SLIT2: variants seen among roughly 807,000 people sequenced by gnomAD.
SLIT2 encodes slit homolog 2 protein.
SLIT2 carries 41 observed loss-of-function variants against 185.7 expected under a neutral mutation model. That is an observed-to-expected ratio of 0.22 (90% CI 0.17 to 0.29). The LOEUF (loss-of-function observed/expected upper bound fraction) is 0.29, where lower values mean the gene tolerates loss of function less well. Among genes scored for constraint, SLIT2 ranks in the 10% least tolerant of loss-of-function variants. SLIT2 has a pLI of 1.00. For synonymous variants in SLIT2, 693 were observed against 680.2 expected (o/e 1.02, Z -0.29); for missense variants, 1,571 against 1,909.0 (o/e 0.82, Z 3.30).
At chr4:20,299,560 A>C in intron 4 of SLIT2, among the ~76,000 whole-genome samples, 1 of 151,770 alleles carries the variant, frequency 6.6e-6, no homozygotes. Flanking sequence ...TTCTTTTTCT[A>C]TAGAGAAAAA....
intron 22 of SLIT2, among the ~76,000 whole-genome samples, chr4:20,547,483 A>C (rs1417795217): frequency 1.3e-5 from 2 of 152,070 alleles, no homozygotes; most frequent in Non-Finnish European, 2.9e-5. Context: ...GTTCTTCAGC[A>C]GTTAAAAATA....
At chr4:20,261,381 T>C (rs1364474187) in intron 3 of SLIT2, among the ~76,000 whole-genome samples, 25 of 151,910 alleles carry the variant, frequency 1.6e-4, no homozygotes, top group Admixed American at 1.6e-3. Flanking sequence ...GATACCTGTG[T>C]ATATCTGCAA....
intron 11 of SLIT2, among the ~76,000 whole-genome samples, chr4:20,511,587 A>T (rs368401234): frequency 3.6e-5 from 3 of 82,214 alleles, no homozygotes; most frequent in Admixed American, 1.6e-4. Flanking sequence ...CATCCAGCTA[A>T]TTTTTTTTTT....
chr4:20,618,380 A>G (rs1385860907), intron 36 of SLIT2, among the ~76,000 whole-genome samples: 1 of 152,252 alleles, frequency 6.6e-6, no homozygotes, highest in South Asian at 2.1e-4. Context: ...ATTGGATAAT[A>G]TTAAACTCCA....
At position 20,510,802 on chromosome 4, in the gene SLIT2, A is replaced by G. The variant is rs1007009643; in HGVS notation, c.986+236A>G. Among the ~76,000 whole-genome samples, 10 of 152,324 alleles carry G rather than the reference A, an allele frequency of 6.6e-5. No homozygotes were observed. In the South Asian group the frequency reaches 2.1e-3, roughly 32 times the overall value. On this transcript the variant is annotated intron_variant, in intron 10 of 36. Coordinates refer to ENST00000504154, the MANE Select transcript of SLIT2 (RefSeq NM_004787.4). ...ATACAAATGTGAATGTTTATGGTCA[A>G]TATATTTTGCATATGAACATATGTT...
chr4:20,545,857 C>G (rs187569664), intron 21 of SLIT2, among the ~76,000 whole-genome samples, 174 bp from the exon 22 acceptor site: 11 of 146,558 alleles, frequency 7.5e-5, no homozygotes, highest in African/African-American at 2.7e-4. Flanking sequence ...GACAACTCTG[C>G]TTTTTTTTTT....
At position 20,254,011 on chromosome 4, in the gene SLIT2, C is replaced by G. The variant is rs760930773; in HGVS notation, c.179+17C>G. The stretch of plus-strand genomic sequence containing the variant: ...CGAGAGACTGTGAGTATGCGCTCTT[C>G]GTCTTCCCCTCTCCCCATCCGGGCC... On this transcript the variant is annotated intron_variant, in intron 1 of 36. Coordinates refer to ENST00000504154, the MANE Select transcript of SLIT2 (RefSeq NM_004787.4). This position sits in a 1 kb window ranked among gnomAD's most constrained non-coding sequence, Gnocchi z 5.1. 6.3e-7 allele frequency: 1 copy of G among 1,594,412 alleles called. No homozygotes were observed. The highest frequency in any genetic ancestry group is 8.5e-7 in the Non-Finnish European group (1 of 1,173,994).
intron 4 of SLIT2, among the ~76,000 whole-genome samples, chr4:20,338,214 T>A (rs1358526312): frequency 6.6e-6 from 1 of 152,214 alleles, no homozygotes; most frequent in Non-Finnish European, 1.5e-5. Context: ...TCTTCCCTTG[T>A]GTTAGAATTA....
At chr4:20,522,539 G>A (rs1720926048) in intron 12 of SLIT2, among the ~76,000 whole-genome samples, 1 of 152,132 alleles carries the variant, frequency 6.6e-6, no homozygotes, top group African/African-American at 2.4e-5. Flanking sequence ...TGAAAGTTGA[G>A]TTCAGAAGAT....
At chr4:20,255,265 T>C (rs984283413) in intron 1 of SLIT2, among the ~76,000 whole-genome samples, 3 of 152,200 alleles carry the variant, frequency 2.0e-5, no homozygotes, top group Non-Finnish European at 2.9e-5. Context: ...GCACTTCAAG[T>C]CGCCCTTCTT....
At chr4:20,609,968 A>G (rs763689273) in intron 33 of SLIT2, 45 bp from the exon 34 acceptor site, 1 of 1,550,886 alleles carries the variant, frequency 6.4e-7, no homozygotes, top group East Asian at 2.3e-5. Context: ...CCTTGCTTTA[A>G]TGAAAAGAAA....
At chr4:20,265,720 G>T (rs500869) in intron 3 of SLIT2, among the ~76,000 whole-genome samples, 10 of 151,522 alleles carry the variant, frequency 6.6e-5, no homozygotes, top group Middle Eastern at 3.2e-3. Context: ...TGAGCTGAAC[G>T]TAGAGCTAGC....
intron 31 of SLIT2, 101 bp downstream of exon 31, chr4:20,595,935 A>C: frequency 9.8e-7 from 1 of 1,016,968 alleles, no homozygotes; most frequent in Non-Finnish European, 1.4e-6. Flanking sequence ...AAATAACTAA[A>C]AGAGTATAAC....
intron 4 of SLIT2, among the ~76,000 whole-genome samples, chr4:20,283,452 C>T (rs572239053): frequency 6.6e-6 from 1 of 152,056 alleles, no homozygotes; most frequent in South Asian, 2.1e-4. Context: ...CCAATCTTTC[C>T]AGTATTAGAA....
intron 4 of SLIT2, chr4:20,392,308 C>G (rs1298228609): frequency 6.6e-6 from 1 of 151,924 alleles, no homozygotes; most frequent in African/African-American, 2.4e-5. Flanking sequence ...AGAAAAGGTA[C>G]AGTGAAAATA....
chr4:20,273,071 A>G (rs964554488), intron 4 of SLIT2, among the ~76,000 whole-genome samples: 2 of 152,106 alleles, frequency 1.3e-5, no homozygotes, highest in East Asian at 1.9e-4. Context: ...AATAATTGGG[A>G]CTTTCTTAAG....
intron 4 of SLIT2, among the ~76,000 whole-genome samples, chr4:20,462,776 C>G (rs937575491): frequency 1.3e-5 from 2 of 152,194 alleles, no homozygotes; most frequent in Non-Finnish European, 1.5e-5. Context: ...ACAAACTCCT[C>G]CATCCCACTG....
intron 3 of SLIT2, among the ~76,000 whole-genome samples, chr4:20,266,011 C>G (rs937509396): frequency 6.6e-6 from 1 of 151,854 alleles, no homozygotes; most frequent in Non-Finnish European, 1.5e-5. Flanking sequence ...GAGAATTGTA[C>G]TTACTCATGG....
intron 4 of SLIT2, among the ~76,000 whole-genome samples, chr4:20,451,298 C>T (rs889355806): frequency 3.9e-5 from 6 of 152,154 alleles, no homozygotes; most frequent in African/African-American, 1.4e-4. Context: ...ATTTCCCTCC[C>T]CAATGTTAAT....
Sources: gnomAD v4.1 joint callset for allele counts (sites outside exome capture counted in the v4.1 genomes callset) on GRCh38, gnomAD v4.1.1 for gene constraint, Gnocchi (gnomAD v3.1) non-coding constraint, MANE v1.5 for transcripts, NCBI Gene and HGNC (gene_info 2026-07-23, HGNC 2026-07-21) for gene names.